Variants in RAB28 observed in about 807,000 individuals in gnomAD.
RAB28 encodes the protein RAB28, member RAS oncogene family.
A neutral mutation model predicts 31.7 loss-of-function variants in RAB28; 24 were observed. That is an observed-to-expected ratio of 0.76 (90% CI 0.55 to 1.06). The LOEUF (loss-of-function observed/expected upper bound fraction) is 1.06, where lower values mean the gene tolerates loss of function less well. Among genes scored for constraint, RAB28 ranks in the 50% least tolerant of loss-of-function variants. The probability of loss-of-function intolerance (pLI) is 0.00; values close to 1 mark genes in which losing one functional copy is unlikely to be tolerated. For synonymous variants in RAB28, 100 were observed against 90.4 expected, an observed-to-expected ratio of 1.11 and a Z score of -0.60; for missense variants, 254 against 258.5, an observed-to-expected ratio of 0.98 and a Z score of 0.12.
At chr4:13,413,204 A>G (rs1712547149) in intron 4 of RAB28, among the ~76,000 whole-genome samples, 1 of 152,200 alleles carries the variant, frequency 6.6e-6, no homozygotes, top group African/African-American at 2.4e-5. Flanking sequence ...AGAATAATCA[A>G]TACATATCAA....
chr4:13,425,569 A>G (rs1713433413), intron 4 of RAB28, among the ~76,000 whole-genome samples: 1 of 152,132 alleles, frequency 6.6e-6, no homozygotes, highest in South Asian at 2.1e-4. Flanking sequence ...ACACACACAT[A>G]TGTACACATG....
chr4:13,434,389 A>C (rs1713978896), intron 4 of RAB28, among the ~76,000 whole-genome samples: 1 of 152,246 alleles, frequency 6.6e-6, no homozygotes, highest in African/African-American at 2.4e-5. Flanking sequence ...ACCATGCTAA[A>C]TTCATATGCA....
At chr4:13,425,459 ATT>A (rs1359809620) in intron 4 of RAB28, among the ~76,000 whole-genome samples, 1 of 152,154 alleles carries the variant, frequency 6.6e-6, no homozygotes, top group Non-Finnish European at 1.5e-5. Flanking sequence ...TTAACACAAT[ATT>A]TCTGCTTCAG....
intron 4 of RAB28, among the ~76,000 whole-genome samples, chr4:13,392,054 T>G (rs1042669210): frequency 1.3e-5 from 2 of 152,252 alleles, no homozygotes; most frequent in East Asian, 3.9e-4. Flanking sequence ...CAAACCTGCA[T>G]GTTGTGCACA....
At chr4:13,407,997 C>A (rs111786494) in intron 4 of RAB28, among the ~76,000 whole-genome samples, 3 of 152,016 alleles carry the variant, frequency 2.0e-5, no homozygotes, top group African/African-American at 7.2e-5. Context: ...ATTTGAATAC[C>A]CTTTATTTCT....
chr4:13,416,803 G>A (rs188646277), intron 4 of RAB28, among the ~76,000 whole-genome samples: 8 of 152,304 alleles, frequency 5.3e-5, no homozygotes, highest in Non-Finnish European at 1.2e-4. Context: ...GCTCCAGTCT[G>A]CAGCTCCCAG....
At chr4:13,459,872 C>G (rs1475704909) in intron 4 of RAB28, 1 of 1,289,266 alleles carries the variant, frequency 7.8e-7, no homozygotes, top group Admixed American at 2.3e-5. Context: ...AATGCAATAT[C>G]ATAAAATCTG....
chr4:13,473,362 C>T (rs1393903222), intron 3 of RAB28, among the ~76,000 whole-genome samples: 1 of 151,694 alleles, frequency 6.6e-6, no homozygotes, highest in Non-Finnish European at 1.5e-5. Flanking sequence ...AAGATACACA[C>T]TAATTAAAAG....
chr4:13,471,396 A>T (rs921219997), intron 3 of RAB28, among the ~76,000 whole-genome samples: 1 of 152,146 alleles, frequency 6.6e-6, no homozygotes, highest in Non-Finnish European at 1.5e-5. Flanking sequence ...TATAGAATTT[A>T]AAAATAGTTT....
chr4:13,471,320 T>C (rs1252185774), intron 3 of RAB28, among the ~76,000 whole-genome samples: 2 of 152,110 alleles, frequency 1.3e-5, no homozygotes, highest in South Asian at 4.1e-4. Flanking sequence ...AAGCACTGGT[T>C]TTGAAAAGTA....
chr4:13,387,081 T>C (rs561025415), intron 4 of RAB28, among the ~76,000 whole-genome samples: 2 of 152,016 alleles, frequency 1.3e-5, no homozygotes, highest in East Asian at 1.9e-4. Context: ...CAATAGACAC[T>C]GTGGCCTACA....
intron 4 of RAB28, among the ~76,000 whole-genome samples, chr4:13,442,347 T>C (rs940478897): frequency 4.6e-5 from 7 of 152,088 alleles, no homozygotes; most frequent in Non-Finnish European, 7.4e-5. Flanking sequence ...GCAGCATCTT[T>C]TTTTTTTATT....
intron 4 of RAB28, among the ~76,000 whole-genome samples, chr4:13,412,446 C>A (rs928254871): frequency 3.3e-5 from 5 of 151,344 alleles, no homozygotes; most frequent in East Asian, 3.9e-4. Flanking sequence ...AATATATATT[C>A]TCACACAAAC....
chr4:13,468,282 A>G (rs368499113), intron 3 of RAB28, among the ~76,000 whole-genome samples: 7 of 152,126 alleles, frequency 4.6e-5, no homozygotes, highest in African/African-American at 1.7e-4. Flanking sequence ...TCATTAGAAT[A>G]CGTACTATTC....
Position 13,484,277 on chromosome 4 carries a change from G to A in RAB28, c.-127C>T, listed in dbSNP as rs1443139248. The A allele has an allele frequency of 3.0e-5, 21 of 710,202 alleles. No homozygotes were observed. Among genetic ancestry groups the A allele is most frequent in the African/African-American group, 7.0e-5 (4 of 56,768 alleles). The allele number at this position is 710,202 out of a possible 1,614,324, so 44.0% of individuals were successfully genotyped here. A position where few individuals can be genotyped will look rare whatever the true frequency, so the allele number is the denominator to read the frequency against. On this transcript the variant is annotated 5_prime_UTR_variant, in exon 1 of 7. Coordinates refer to ENST00000330852, the MANE Select transcript of RAB28 (RefSeq NM_001017979.3). ...ACCCCCGCCCCGGTGTCTCCGCGCC[G>A]GCAGGAGGTATTCGAGGAGAATCAC...
At chr4:13,416,046 G>A (rs1712762438) in intron 4 of RAB28, among the ~76,000 whole-genome samples, 3 of 152,130 alleles carry the variant, frequency 2.0e-5, no homozygotes. Flanking sequence ...GTCTAGCTCA[G>A]GGATTGTAAA....
In RAB28 at chr4:13,484,334, C is replaced by T. The variant is rs558910121; in HGVS notation, c.-184G>A. 112 of 566,592 alleles carry T rather than the reference C, an allele frequency of 2.0e-4. No homozygotes were observed. Among genetic ancestry groups the T allele is most frequent in the East Asian group, 4.9e-4 (16 of 32,380 alleles). The allele number at this position is 566,592 out of a possible 1,614,324, so 35.1% of individuals were successfully genotyped here. On this transcript the variant is annotated 5_prime_UTR_variant, in exon 1 of 7. Coordinates refer to ENST00000330852, the MANE Select transcript of RAB28 (RefSeq NM_001017979.3). The stretch of plus-strand genomic sequence containing the variant: ...AGCGCCATCTTGCCCACCTCCCCGC[C>T]CTCTGCGCGCGGCCCCGCCCCCTAC...
intron 4 of RAB28, among the ~76,000 whole-genome samples, chr4:13,391,536 C>A (rs192980948): frequency 8.4e-4 from 128 of 152,256 alleles, no homozygotes; most frequent in Middle Eastern, 3.4e-3. Flanking sequence ...ACCATTTGAC[C>A]CAGTGATCCC....
intron 3 of RAB28, among the ~76,000 whole-genome samples, chr4:13,465,715 G>C (rs1715807847): frequency 6.7e-6 from 1 of 150,354 alleles, no homozygotes; most frequent in South Asian, 2.1e-4. Flanking sequence ...GGAAAAAAAT[G>C]AGTACCATGA....
Sources: allele counts gnomAD v4.1 joint callset (sites outside exome capture counted in the v4.1 genomes callset), GRCh38; gene constraint gnomAD v4.1.1; transcripts MANE v1.5; gene names NCBI Gene and HGNC (gene_info 2026-07-23, HGNC 2026-07-21).